The following ZNHIT6 variants were observed in gnomAD, a reference collection of about 807,000 sequenced individuals.
The protein encoded by ZNHIT6 is box C/D snoRNA protein 1.
Under a neutral mutation model 57.2 loss-of-function variants are expected in ZNHIT6, and 45 were observed. The ratio of observed to expected loss-of-function variants is 0.79; its 90% CI spans 0.62 to 1.01. ZNHIT6 has a LOEUF of 1.01. Among genes scored for constraint, ZNHIT6 ranks in the 50% least tolerant of loss-of-function variants. The pLI is 0.00. For synonymous variants in ZNHIT6, 188 were observed against 190.0 expected (o/e 0.99, Z 0.09); for missense variants, 528 against 567.3 (o/e 0.93, Z 0.70).
At position 85,652,959 on chromosome 1, in the gene ZNHIT6, A is replaced by AATAC. The variant is rs1488930505; in HGVS notation, c.*1095_*1098dup. On this transcript the variant is annotated 3_prime_UTR_variant, in exon 10 of 10. Transcript: ENST00000370574. ...ATAAGTTAAGCCATGTATATACATT[A>AATAC]ATACATACATATATGTTCCAATAAC... 6 of 152,210 alleles carry AATAC rather than the reference A, an allele frequency of 3.9e-5. No homozygotes were observed. The highest frequency in any genetic ancestry group is 8.8e-5 in the Non-Finnish European group (6 of 68,030). 9.4% of individuals were successfully genotyped at this position (152,210 alleles called of 1,614,324 possible).
At chr1:85,687,558 G>A (rs984971821) in intron 5 of ZNHIT6, among the ~76,000 whole-genome samples, 4 of 151,890 alleles carry the variant, frequency 2.6e-5, no homozygotes, top group African/African-American at 9.7e-5. Flanking sequence ...TGAATTGAAG[G>A]GCTTACAGGG....
In ZNHIT6 at chr1:85,689,119, C is replaced by T. The variant is rs181516941; in HGVS notation, c.1020-8215G>A. On this transcript the variant is annotated intron_variant, in intron 5 of 9. Coordinates refer to ENST00000370574, the MANE Select transcript of ZNHIT6 (RefSeq NM_017953.4). ...CAACTTGTATGACATCTGGAAGCAGCGAATAATACCTGATGAAATTTCAGG... is the reference window on the plus strand; with the variant it reads ...CAACTTGTATGACATCTGGAAGCAGTGAATAATACCTGATGAAATTTCAGG... 1.2e-4 allele frequency among the ~76,000 whole-genome samples: 19 copies of T among 152,162 alleles called. No individual in the cohort carries two copies. In the East Asian group the frequency reaches 3.3e-3, roughly 26 times the overall value.
At position 85,653,957 on chromosome 1, in the gene ZNHIT6, C is replaced by A; in HGVS notation, c.*101G>T. ...TATTTTTCATACAAAGAAAAAATTC[C>A]AATCACCCATTGACAATACCCCAAT... On this transcript the variant is annotated 3_prime_UTR_variant, in exon 10 of 10. Coordinates refer to ENST00000370574, the MANE Select transcript of ZNHIT6 (RefSeq NM_017953.4). 1 of 861,214 alleles carries A rather than the reference C, an allele frequency of 1.2e-6. No homozygotes were observed. The allele number at this position is 861,214 out of a possible 1,614,324, so 53.3% of individuals were successfully genotyped here.
At chr1:85,704,821 G>A (rs937692076) in intron 4 of ZNHIT6, among the ~76,000 whole-genome samples, 5 of 152,038 alleles carry the variant, frequency 3.3e-5, no homozygotes, top group Admixed American at 6.5e-5. Flanking sequence ...ACAATTCCAG[G>A]ATACGATTTA....
intron 5 of ZNHIT6, among the ~76,000 whole-genome samples, chr1:85,684,216 G>A (rs1456239860): frequency 6.6e-6 from 1 of 152,160 alleles, no homozygotes; most frequent in Non-Finnish European, 1.5e-5. Flanking sequence ...GATAAGACTG[G>A]TGGAGTAATT....
intron 5 of ZNHIT6, among the ~76,000 whole-genome samples, chr1:85,691,108 T>C (rs1662206016): frequency 6.6e-6 from 1 of 152,196 alleles, no homozygotes; most frequent in South Asian, 2.1e-4. Context: ...GCATGCACTA[T>C]AAACTGAAAA....
chr1:85,678,700 C>T lies in ZNHIT6; in HGVS notation c.1169+1G>A. 1 of 1,564,978 alleles carries T rather than the reference C, an allele frequency of 6.4e-7. No individual in the cohort carries two copies. Among genetic ancestry groups the T allele is most frequent in the Non-Finnish European group, 8.7e-7 (1 of 1,151,548 alleles). Reference sequence around the variant, plus strand: ...AAAGTTACAATATTTTTGAAGCATACCTTTGACGAATTACAGGATCAGACT... The same window carrying T: ...AAAGTTACAATATTTTTGAAGCATATCTTTGACGAATTACAGGATCAGACT... On this transcript the variant is annotated splice_donor_variant, in intron 7 of 9. Transcript: ENST00000370574. LOFTEE classifies it high-confidence loss of function.
rs200679788 is a variant in ZNHIT6 at position 85,687,295 on chromosome 1, A to C, written c.1020-6391T>G. On this transcript the variant is annotated intron_variant, in intron 5 of 9. Coordinates refer to ENST00000370574, the MANE Select transcript of ZNHIT6 (RefSeq NM_017953.4). The stretch of plus-strand genomic sequence containing the variant: ...GAAGACTATCTCAAAAAACAAAAAA[A>C]AAACAAAAAAAAAAAACAATTTAGA... Among the ~76,000 whole-genome samples, 948 of 133,050 alleles carry C rather than the reference A, an allele frequency of 7.1e-3. 187 individuals are homozygous for C. Among genetic ancestry groups the C allele is most frequent in the East Asian group, 0.062 (241 of 3,896 alleles). 87.3% of individuals were successfully genotyped at this position (133,050 alleles called of 152,430 possible). A position where few individuals can be genotyped will look rare whatever the true frequency, so the allele number is the denominator to read the frequency against.
intron 8 of ZNHIT6, among the ~76,000 whole-genome samples, chr1:85,667,239 A>G (rs1661393441): frequency 6.6e-6 from 1 of 152,142 alleles, no homozygotes; most frequent in Non-Finnish European, 1.5e-5. Flanking sequence ...TACAATATGT[A>G]CGAAGTGCTT....
chr1:85,691,373 T>C (rs1056672037), intron 5 of ZNHIT6, among the ~76,000 whole-genome samples: 1 of 152,244 alleles, frequency 6.6e-6, no homozygotes, highest in Non-Finnish European at 1.5e-5. Flanking sequence ...TCCAACTGTC[T>C]GGGAAGTAGC....
rs1486323082 is a variant in ZNHIT6 at position 85,649,829 on chromosome 1, CATG to C, written c.*4226_*4228del. ...GTGCATCTGCTCAAACTAGCAACAACATGATGTCAAATAAAAATGGATGGCATT... is the reference window on the plus strand; with the variant it reads ...GTGCATCTGCTCAAACTAGCAACAACATGTCAAATAAAAATGGATGGCATT... On this transcript the variant is annotated 3_prime_UTR_variant, in exon 10 of 10. Transcript: ENST00000370574. 1 of 151,638 alleles carries C rather than the reference CATG, an allele frequency of 6.6e-6. No homozygotes were observed. Among genetic ancestry groups the C allele is most frequent in the African/African-American group, 2.4e-5 (1 of 41,212 alleles). 9.4% of individuals were successfully genotyped at this position (151,638 alleles called of 1,614,324 possible). A position where few individuals can be genotyped will look rare whatever the true frequency, so the allele number is the denominator to read the frequency against.
chr1:85,670,501 C>T (rs1478747210), intron 8 of ZNHIT6, among the ~76,000 whole-genome samples: 1 of 152,080 alleles, frequency 6.6e-6, no homozygotes, highest in Non-Finnish European at 1.5e-5. Context: ...AGACTGAACA[C>T]TTACTGTGGA....
At chr1:85,655,237 A>T (rs1353445365) in intron 9 of ZNHIT6, among the ~76,000 whole-genome samples, 1 of 152,180 alleles carries the variant, frequency 6.6e-6, no homozygotes, top group African/African-American at 2.4e-5. Context: ...TCTATTGTAT[A>T]ATAAGTTTTA....
rs777605075 is a variant in ZNHIT6 at position 85,657,898 on chromosome 1, A to G, written c.1321T>C (p.Leu441=). 18 of 1,606,426 alleles carry G rather than the reference A, an allele frequency of 1.1e-5. No individual in the cohort carries two copies. The highest frequency in any genetic ancestry group is 6.8e-6 in the Non-Finnish European group (8 of 1,175,014). ...RNKVIIEYPT[L]HVVLKGSNND... Reference sequence around the variant, plus strand: ...TTGGATCCTTTCAATACCACATGTAATGTTGGATACTCAATGATCACTTTG... The same window carrying G: ...TTGGATCCTTTCAATACCACATGTAGTGTTGGATACTCAATGATCACTTTG... Residue 441 remains leucine, a synonymous_variant, in exon 9 of 10, where the codon TTA becomes CTA. Transcript: ENST00000370574.
At chr1:85,656,093 C>A (rs574281732) in intron 9 of ZNHIT6, among the ~76,000 whole-genome samples, 1 of 152,264 alleles carries the variant, frequency 6.6e-6, no homozygotes, top group South Asian at 2.1e-4. Flanking sequence ...CCCCTTCCCT[C>A]ATCAAGGTAT....
intron 8 of ZNHIT6, among the ~76,000 whole-genome samples, chr1:85,667,696 G>T (rs1313165950): frequency 6.7e-6 from 1 of 150,002 alleles, no homozygotes; most frequent in Non-Finnish European, 1.5e-5. Context: ...ACTTTGGGAG[G>T]CTGAGGCAGG....
chr1:85,665,254 T>A (rs1435127995), intron 8 of ZNHIT6, among the ~76,000 whole-genome samples: 2 of 152,066 alleles, frequency 1.3e-5, no homozygotes, highest in Non-Finnish European at 2.9e-5. Context: ...AATTGACAAA[T>A]AGGAATTATA....
chr1:85,651,624 AG>A lies in ZNHIT6; in HGVS notation c.*2433del, dbSNP rs1459238561. ...TATATGTATAATTAGCAATTATGAA[AG>A]GCCTATCTTCTCTTTGAAATCACTG... On this transcript the variant is annotated 3_prime_UTR_variant, in exon 10 of 10. Transcript: ENST00000370574. The A allele has an allele frequency of 6.6e-6, 1 of 152,222 alleles. No individual in the cohort carries two copies. The highest frequency in any genetic ancestry group is 6.5e-5 in the Admixed American group (1 of 15,278). The allele number at this position is 152,222 out of a possible 1,614,324, so 9.4% of individuals were successfully genotyped here. A position where few individuals can be genotyped will look rare whatever the true frequency, so the allele number is the denominator to read the frequency against.
chr1:85,675,787 T>C (rs537193684), intron 8 of ZNHIT6, among the ~76,000 whole-genome samples: 5 of 152,318 alleles, frequency 3.3e-5, no homozygotes, highest in African/African-American at 1.2e-4. Context: ...GATAACCTGC[T>C]GTGGCTTCTA....
Sources: allele counts gnomAD v4.1 joint callset (sites outside exome capture counted in the v4.1 genomes callset), GRCh38; gene constraint gnomAD v4.1.1; transcripts MANE v1.5; gene names NCBI Gene and HGNC (gene_info 2026-07-23, HGNC 2026-07-21).